Variants in FHIT observed in about 807,000 individuals in gnomAD.
FHIT encodes bis(5'-adenosyl)-triphosphatase.
Under a neutral mutation model 17.9 loss-of-function variants are expected in FHIT, and 19 were observed. The observed-to-expected ratio is 1.06, with a 90% CI of 0.74 to 1.56. The LOEUF (loss-of-function observed/expected upper bound fraction) is 1.56. FHIT is among the 40% of genes most tolerant of loss of function. The pLI is 0.00. For synonymous variants in FHIT, 81 were observed against 69.7 expected (o/e 1.16, Z -0.81); for missense variants, 248 against 189.2 (o/e 1.31, Z -1.82).
At chr3:60,248,558 T>C (rs1477134329) in intron 5 of FHIT, among the ~76,000 whole-genome samples, 4 of 152,262 alleles carry the variant, frequency 2.6e-5, no homozygotes, top group East Asian at 3.9e-4. Context: ...AATTCTAAAG[T>C]ACTGAACTTT....
intron 2 of FHIT, among the ~76,000 whole-genome samples, chr3:61,052,141 A>C (rs2034050153): frequency 6.6e-6 from 1 of 152,232 alleles, no homozygotes; most frequent in Non-Finnish European, 1.5e-5. Context: ...AATTCTACTT[A>C]AAAGCAAATC....
rs549416721 is a variant in FHIT, at chr3:60,532,352, A to C, written c.103+4508T>G. Among the ~76,000 whole-genome samples the C allele has an allele frequency of 3.3e-5, 5 of 152,298 alleles. No individual in the cohort carries two copies. In the East Asian group the frequency reaches 9.7e-4, roughly 29 times the overall value. Reference sequence around the variant, plus strand: ...CCCCAGTCTTCAAATGGATACCACTAATGTTTAAATTCATTTTCATGCTCA... The same window carrying C: ...CCCCAGTCTTCAAATGGATACCACTCATGTTTAAATTCATTTTCATGCTCA... On this transcript the variant is annotated intron_variant, in intron 5 of 9. Coordinates refer to ENST00000492590, the MANE Select transcript of FHIT (RefSeq NM_002012.4).
chr3:60,259,324 G>A (rs1360618170), intron 5 of FHIT, among the ~76,000 whole-genome samples: 4 of 152,058 alleles, frequency 2.6e-5, no homozygotes, highest in South Asian at 4.2e-4. Context: ...GCAGATGAGC[G>A]GCTGGGTACT....
At chr3:59,899,685 A>C (rs901316388) in intron 8 of FHIT, among the ~76,000 whole-genome samples, 6 of 151,346 alleles carry the variant, frequency 4.0e-5, no homozygotes, top group African/African-American at 1.5e-4. Flanking sequence ...ATACAAAAAA[A>C]CAAAAAAAAA....
chr3:59,895,073 T>C (rs1194467970), intron 8 of FHIT, among the ~76,000 whole-genome samples: 2 of 152,216 alleles, frequency 1.3e-5, no homozygotes, highest in African/African-American at 4.8e-5. Context: ...TTTTTGGTTG[T>C]CACAACTGGG....
chr3:59,893,593 G>A (rs758895812), intron 8 of FHIT, among the ~76,000 whole-genome samples: 18 of 152,220 alleles, frequency 1.2e-4, no homozygotes, highest in Non-Finnish European at 2.2e-4. Flanking sequence ...TTTGTAGGAA[G>A]TGTGTTCTAA....
intron 5 of FHIT, among the ~76,000 whole-genome samples, chr3:60,292,323 A>G (rs1183020735): frequency 6.6e-6 from 1 of 152,150 alleles, no homozygotes; most frequent in Non-Finnish European, 1.5e-5. Flanking sequence ...CCTATATTAT[A>G]CTGTAGTCGG....
intron 8 of FHIT, among the ~76,000 whole-genome samples, chr3:59,887,729 C>T (rs1265189877): frequency 6.6e-6 from 1 of 152,172 alleles, no homozygotes; most frequent in Non-Finnish European, 1.5e-5. Context: ...TCTCAAGAAT[C>T]CAAAGGCATT....
intron 3 of FHIT, among the ~76,000 whole-genome samples, chr3:60,861,997 A>G (rs1204199996): frequency 2.6e-5 from 4 of 151,686 alleles, no homozygotes; most frequent in African/African-American, 9.7e-5. Flanking sequence ...GAATAAAATG[A>G]TTAAAACAAA....
At chr3:61,034,181 T>C (rs550316474) in intron 3 of FHIT, among the ~76,000 whole-genome samples, 18 of 152,158 alleles carry the variant, frequency 1.2e-4, no homozygotes, top group African/African-American at 4.1e-4. Context: ...AGCATAGGGG[T>C]AAAATCATTA....
intron 5 of FHIT, among the ~76,000 whole-genome samples, chr3:60,311,699 T>C (rs1269965042): frequency 6.6e-6 from 1 of 152,212 alleles, no homozygotes; most frequent in Non-Finnish European, 1.5e-5. Flanking sequence ...CTATAAGCTT[T>C]TATTATGCAA....
At chr3:60,682,558 T>G (rs1426630817) in intron 4 of FHIT, among the ~76,000 whole-genome samples, 1 of 152,184 alleles carries the variant, frequency 6.6e-6, no homozygotes, top group Non-Finnish European at 1.5e-5. Context: ...ATAGTATGGT[T>G]TACTGAATAT....
chr3:59,952,620 G>A (rs1427365403), intron 7 of FHIT, among the ~76,000 whole-genome samples: 1 of 152,046 alleles, frequency 6.6e-6, no homozygotes, highest in African/African-American at 2.4e-5. Context: ...CCCATTATAG[G>A]GTATTAAGCT....
intron 5 of FHIT, among the ~76,000 whole-genome samples, chr3:60,346,394 C>T (rs1347420311): frequency 6.6e-6 from 1 of 152,142 alleles, no homozygotes; most frequent in Non-Finnish European, 1.5e-5. Flanking sequence ...ATAATGACAG[C>T]TCTTGTCAAC....
At chr3:59,994,193 T>C (rs1199960322) in intron 7 of FHIT, among the ~76,000 whole-genome samples, 1 of 152,032 alleles carries the variant, frequency 6.6e-6, no homozygotes, top group Non-Finnish European at 1.5e-5. Context: ...AAAAATAAGA[T>C]AAGCCATGTG....
Position 60,852,435 on chromosome 3 carries a change from A to T in FHIT, c.-110-30424T>A, listed in dbSNP as rs540503950. ...GATTCTGTTTCTCTGGAGAACCCTG[A>T]CTAATACAAATATTAAACCCAAATA... is the stretch of plus-strand genomic sequence containing the variant. On this transcript the variant is annotated intron_variant, in intron 3 of 9. Coordinates refer to ENST00000492590, the MANE Select transcript of FHIT (RefSeq NM_002012.4). Among the ~76,000 whole-genome samples, 39 of 152,246 alleles carry T rather than the reference A, an allele frequency of 2.6e-4. 1 individual carries two copies. Among genetic ancestry groups the T allele is most frequent in the African/African-American group, 9.4e-4 (39 of 41,538 alleles).
At position 60,310,439 on chromosome 3, in the gene FHIT, A is replaced by C. The variant is rs60788795; in HGVS notation, c.103+226421T>G. On this transcript the variant is annotated intron_variant, in intron 5 of 9. Transcript: ENST00000492590. ...AGCCTAAGGCCAAGTGAGAAAGACC[A>C]ACAGAAGCAAAGGAGACAGACAATC... 9.7e-3 allele frequency among the ~76,000 whole-genome samples: 1,472 copies of C among 152,294 alleles called. 31 individuals are homozygous for C. Among genetic ancestry groups the C allele is most frequent in the African/African-American group, 0.034 (1,421 of 41,562 alleles).
intron 5 of FHIT, among the ~76,000 whole-genome samples, chr3:60,130,815 A>ATATACACACATATATATGTG (rs1699528042): frequency 3.0e-5 from 2 of 66,130 alleles, no homozygotes; most frequent in South Asian, 1.2e-3. Context: ...ATATGTGTGT[A>ATATACACACATATATATGTG]TGTGTGTATA....
chr3:60,087,028 T>C (rs1158376622), intron 5 of FHIT, among the ~76,000 whole-genome samples: 6 of 152,136 alleles, frequency 3.9e-5, no homozygotes, highest in African/African-American at 1.4e-4. Flanking sequence ...AATCTATGAG[T>C]CATCAAGCCT....
Sources: gnomAD v4.1 joint callset for allele counts (sites outside exome capture counted in the v4.1 genomes callset) on GRCh38, gnomAD v4.1.1 for gene constraint, MANE v1.5 for transcripts, NCBI Gene and HGNC (gene_info 2026-07-23, HGNC 2026-07-21) for gene names.